Variants in MGAT5B observed in about 807,000 individuals in gnomAD.
MGAT5B encodes alpha-1,6-mannosylglycoprotein 6-beta-N-acetylglucosaminyltransferase B.
A neutral mutation model predicts 95.1 loss-of-function variants in MGAT5B; 54 were observed. That is an observed-to-expected ratio of 0.57 (90% CI 0.46 to 0.71). The LOEUF is 0.71. Among genes scored for constraint, MGAT5B ranks in the 30% least tolerant of loss-of-function variants. The pLI is 0.00. For synonymous variants in MGAT5B, 464 were observed against 451.0 expected, an observed-to-expected ratio of 1.03 and a Z score of -0.36; for missense variants, 935 against 1,088.6, an observed-to-expected ratio of 0.86 and a Z score of 1.99.
At position 76,940,812 on chromosome 17, in the gene MGAT5B, G is replaced by A; in HGVS notation, c.1812G>A (p.Glu604=). 6.2e-7 allele frequency: 1 copy of A among 1,614,136 alleles called. No homozygotes were observed. The highest frequency in any genetic ancestry group is 1.7e-5 in the Admixed American group (1 of 60,028). Residue 604 remains glutamate (E), a synonymous_variant, in exon 15 of 18, where the codon GAG becomes GAA. Transcript: ENST00000569840. This position sits in a 1 kb window ranked among gnomAD's most constrained non-coding sequence, Gnocchi z 4.3. ...CAGTCGACTACAACAACTCAGAGGAGTTTGAAGCAGCCATCAAGGCCATTA... is the reference window on the plus strand; with the variant it reads ...CAGTCGACTACAACAACTCAGAGGAATTTGAAGCAGCCATCAAGGCCATTA... The part of the protein sequence containing the change: ...VWTVDYNNSE[E]FEAAIKAIMR...
At chr17:76,896,471 G>A (rs571709493) in intron 3 of MGAT5B, among the ~76,000 whole-genome samples, 3 of 152,296 alleles carry the variant, frequency 2.0e-5, no homozygotes, top group East Asian at 3.9e-4. Flanking sequence ...GTAGTCGGGC[G>A]TATGATGCTT....
intron 8 of MGAT5B, chr17:76,924,115 A>G (rs12451905): frequency 0.71 from 107,537 of 152,250 alleles, 38,007 homozygotes; most frequent in East Asian, 0.8. Flanking sequence ...GGGCAGAGGA[A>G]TTTAAATTGG....
rs1479902545 is a variant in MGAT5B at position 76,882,301 on chromosome 17, G to A, written c.329+3G>A. ...GACCTGCACTTTCCCGCAGACAGGT[G>A]AGGGGACGTGGGGAGGAGGCACACG... On this transcript the variant is annotated splice_donor_region_variant and intron_variant, in intron 3 of 17. Transcript: ENST00000569840. 24 of 1,608,184 alleles carry A rather than the reference G, an allele frequency of 1.5e-5. No homozygotes were observed. Among genetic ancestry groups the A allele is most frequent in the Non-Finnish European group, 2.0e-5 (23 of 1,177,960 alleles).
chr17:76,884,920 T>C (rs1448271977), intron 3 of MGAT5B, among the ~76,000 whole-genome samples: 1 of 151,868 alleles, frequency 6.6e-6, no homozygotes, highest in Non-Finnish European at 1.5e-5. Context: ...GTATTTTTAG[T>C]AGAGACTGGG....
chr17:76,913,221 A>C (rs1968805714), intron 8 of MGAT5B, among the ~76,000 whole-genome samples: 1 of 152,136 alleles, frequency 6.6e-6, no homozygotes, highest in African/African-American at 2.4e-5. Context: ...CCAGAGAATG[A>C]CGAAGGTGGG....
intron 13 of MGAT5B, among the ~76,000 whole-genome samples, chr17:76,939,681 C>T (rs56293205): frequency 0.23 from 34,264 of 152,022 alleles, 4,037 homozygotes; most frequent in South Asian, 0.31. Context: ...TCCTCCTCCC[C>T]ACTCTGGGAG....
In MGAT5B at chr17:76,905,962, G is replaced by A. The variant is rs1598939534; in HGVS notation, c.856-56G>A. 1.3e-6 allele frequency: 2 copies of A among 1,505,594 alleles called. No homozygotes were observed. Among genetic ancestry groups the A allele is most frequent in the South Asian group, 1.3e-5 (1 of 76,324 alleles). The allele number at this position is 1,505,594 out of a possible 1,614,324, so 93.3% of individuals were successfully genotyped here. On this transcript the variant is annotated intron_variant, in intron 7 of 17. Coordinates refer to ENST00000569840, the MANE Select transcript of MGAT5B (RefSeq NM_001199172.2). The surrounding 1 kb of genome is among the most constrained non-coding windows in gnomAD (Gnocchi z 4.2). The stretch of plus-strand genomic sequence containing the variant: ...GTCTCCTGGCCGGTGCCCCGGGGGG[G>A]CGGGGCTCAGAGCTGCTGCTCCTCT...
At chr17:76,896,434 C>T (rs1968066710) in intron 3 of MGAT5B, among the ~76,000 whole-genome samples, 1 of 152,182 alleles carries the variant, frequency 6.6e-6, no homozygotes, top group African/African-American at 2.4e-5. Context: ...ATTGCTGAAT[C>T]CCCCAAAAAG....
intron 8 of MGAT5B, among the ~76,000 whole-genome samples, chr17:76,909,257 C>T (rs1968646139): frequency 6.6e-6 from 1 of 152,178 alleles, no homozygotes; most frequent in South Asian, 2.1e-4. Flanking sequence ...AGCCATGTGC[C>T]CGGCCTACTC....
intron 2 of MGAT5B, among the ~76,000 whole-genome samples, chr17:76,874,111 TG>T (rs1464165042): frequency 6.6e-6 from 1 of 151,936 alleles, no homozygotes; most frequent in African/African-American, 2.4e-5. Flanking sequence ...CAAGCCTGAG[TG>T]TAAGTTAATT....
Position 76,876,623 on chromosome 17 carries a change from G to GCGTC in MGAT5B, c.181+3661_181+3664dup, listed in dbSNP as rs148128535. ...GGCTTTTCTCGAAAAGAAGAGGAGG[G>GCGTC]CGTCATTCAGCCTCTTGTGGACTGT... On this transcript the variant is annotated intron_variant, in intron 2 of 17. Coordinates refer to ENST00000569840, the MANE Select transcript of MGAT5B (RefSeq NM_001199172.2). Among the ~76,000 whole-genome samples the GCGTC allele has an allele frequency of 3.1e-3, 468 of 152,276 alleles. 4 individuals carry two copies. Among genetic ancestry groups the GCGTC allele is most frequent in the African/African-American group, 0.01 (433 of 41,536 alleles).
rs531877978 is a variant in MGAT5B at position 76,912,686 on chromosome 17, C to A, written c.1025+6499C>A. On this transcript the variant is annotated intron_variant, in intron 8 of 17. Transcript: ENST00000569840. The surrounding 1 kb of genome is among the most constrained non-coding windows in gnomAD (Gnocchi z 5.0). The stretch of plus-strand genomic sequence containing the variant: ...TGACGTTTGGGGCAATGTGCAGGAT[C>A]TACATCTGGCTTTGCTGCTGCAAGA... Among the ~76,000 whole-genome samples the A allele has an allele frequency of 6.6e-6, 1 of 152,260 alleles. No homozygotes were observed. Among genetic ancestry groups the A allele is most frequent in the Admixed American group, 6.5e-5 (1 of 15,294 alleles).
chr17:76,941,514 TG>T (rs1199101044), intron 15 of MGAT5B, among the ~76,000 whole-genome samples: 1 of 152,234 alleles, frequency 6.6e-6, no homozygotes, highest in Non-Finnish European at 1.5e-5. Context: ...CCTCTCACTA[TG>T]GTTCTCCTGG....
At chr17:76,933,320 G>A (rs1800199748) in intron 12 of MGAT5B, 23 bp downstream of exon 12, 6 of 1,598,204 alleles carry the variant, frequency 3.8e-6, no homozygotes, top group Non-Finnish European at 5.1e-6. Flanking sequence ...CTTGCCGCCT[G>A]CCCCCTCTAC....
intron 12 of MGAT5B, among the ~76,000 whole-genome samples, chr17:76,935,605 CTT>C (rs61424892): frequency 2.0e-4 from 23 of 113,340 alleles, no homozygotes; most frequent in African/African-American, 3.0e-4. Context: ...TTCCATATAT[CTT>C]TTTTTTTTTT....
intron 3 of MGAT5B, among the ~76,000 whole-genome samples, chr17:76,886,215 T>A (rs1010481871): frequency 2.6e-5 from 4 of 152,208 alleles, no homozygotes; most frequent in Non-Finnish European, 5.9e-5. Context: ...CCGTATTTGT[T>A]GAATGCCTAG....
In MGAT5B at chr17:76,876,806, C is replaced by T. The variant is rs372356449; in HGVS notation, c.181+3843C>T. On this transcript the variant is annotated intron_variant, in intron 2 of 17. Coordinates refer to ENST00000569840, the MANE Select transcript of MGAT5B (RefSeq NM_001199172.2). The stretch of plus-strand genomic sequence containing the variant: ...GGAGGCTGCATGGGGAATCATGACC[C>T]GGAGGAGATCTGACTTCTTTCCCTC... Among the ~76,000 whole-genome samples, 22 of 152,284 alleles carry T rather than the reference C, an allele frequency of 1.4e-4. No homozygotes were observed. In the East Asian group the frequency reaches 2.7e-3, roughly 19 times the overall value.
At position 76,931,804 on chromosome 17, in the gene MGAT5B, G is replaced by A. The variant is rs185975374; in HGVS notation, c.1292-841G>A. On this transcript the variant is annotated intron_variant, in intron 10 of 17. Coordinates refer to ENST00000569840, the MANE Select transcript of MGAT5B (RefSeq NM_001199172.2). ...ATGGCCTAGGCCGGGGTGCAGTCAC[G>A]GAGAAGGTGGAGAAAGTTCTACCTG... Among the ~76,000 whole-genome samples the A allele has an allele frequency of 5.3e-5, 8 of 152,356 alleles. No homozygotes were observed. In the East Asian group the frequency reaches 1.5e-3, roughly 29 times the overall value.
At chr17:76,911,929 C>T (rs1157114464) in intron 8 of MGAT5B, among the ~76,000 whole-genome samples, 1 of 152,200 alleles carries the variant, frequency 6.6e-6, no homozygotes, top group Admixed American at 6.5e-5. Flanking sequence ...GGGCTGGGGC[C>T]TCCTGAGGCT....
Sources: gnomAD v4.1 joint callset for allele counts (sites outside exome capture counted in the v4.1 genomes callset) on GRCh38, gnomAD v4.1.1 for gene constraint, Gnocchi (gnomAD v3.1) non-coding constraint, MANE v1.5 for transcripts, NCBI Gene and HGNC (gene_info 2026-07-23, HGNC 2026-07-21) for gene names.